Variants in DNAH1 observed in about 807,000 individuals in gnomAD.
The protein encoded by DNAH1 is axonemal beta dynein heavy chain 1.
DNAH1 carries 327 observed loss-of-function variants against 484.3 expected under a neutral mutation model. The observed-to-expected ratio is 0.68, with a 90% CI of 0.62 to 0.74. The LOEUF is 0.74. DNAH1 is among the 30% of genes least tolerant of loss of function. The pLI, the probability that DNAH1 is intolerant of heterozygous loss-of-function variation, is 0.00. For missense variants in DNAH1, 5,052 were observed against 5,546.8 expected (o/e 0.91, Z 2.83); for synonymous variants, 2,192 against 2,191.9 (o/e 1.00, Z 0.00).
At chr3:52,373,130 G>A in intron 44 of DNAH1, 77 bp downstream of exon 44, 1 of 1,465,198 alleles carries the variant, frequency 6.8e-7, no homozygotes, top group Non-Finnish European at 9.0e-7. Context: ...AGCACTGAAG[G>A]CCTACAATAC....
chr3:52,314,542 TA>T (rs1700889122), upstream of DNAH1, among the ~76,000 whole-genome samples: 1 of 152,228 alleles, frequency 6.6e-6, no homozygotes, highest in Non-Finnish European at 1.5e-5. Flanking sequence ...CAGTCATTTC[TA>T]TGGGTCTTTC....
chr3:52,348,915 G>T lies in DNAH1; in HGVS notation c.2134G>T (p.Gly712Cys). ...KLVMEDIFIS[G>C]DPLLESVGLH... ...GGTGATGGAGGACATCTTCATCAGC[G>T]GTGACCCCCTGCTGGAGTCCGTGGG... is the stretch of plus-strand genomic sequence containing the variant. Residue 712 changes from glycine (G) to cysteine (C), a missense_variant, in exon 13 of 78, where the codon GGT (glycine) becomes TGT (cysteine). By Grantham distance (159) the Gly-to-Cys change is radical. Coordinates refer to ENST00000420323, the MANE Select transcript of DNAH1 (RefSeq NM_015512.5). 1.2e-6 allele frequency: 2 copies of T among 1,613,210 alleles called. No homozygotes were observed. The highest frequency in any genetic ancestry group is 1.7e-6 in the Non-Finnish European group (2 of 1,179,878).
chr3:52,388,845 G>C lies in DNAH1; in HGVS notation c.9403G>C (p.Glu3135Gln). ...GLSDEKVRWQ[E>Q]TVENLQYMLN... ...GTCGGATGAGAAGGTGCGCTGGCAGGAGACGGTGGAGAACCTGCAGTACAT... is the reference window on the plus strand; with the variant it reads ...GTCGGATGAGAAGGTGCGCTGGCAGCAGACGGTGGAGAACCTGCAGTACAT... The change falls in exon 59 of 78, where the codon GAG becomes CAG. Residue 3135 changes from glutamate (E) to glutamine (Q), a missense_variant. Physicochemically the swap from Glu to Gln is conservative, Grantham distance 29. Coordinates refer to ENST00000420323, the MANE Select transcript of DNAH1 (RefSeq NM_015512.5). 6.2e-7 allele frequency: 1 copy of C among 1,613,742 alleles called. No homozygotes were observed. The highest frequency in any genetic ancestry group is 8.5e-7 in the Non-Finnish European group (1 of 1,179,868).
chr3:52,366,662 C>A (rs1279333768), intron 35 of DNAH1, 71 bp from the exon 36 acceptor site: 15 of 1,567,730 alleles, frequency 9.6e-6, no homozygotes, highest in Admixed American at 3.5e-5. Flanking sequence ...ACCCCTCCCC[C>A]TCCCCTTGGC....
Position 52,393,307 on chromosome 3 carries a change from C to T in DNAH1, c.10475-27C>T, listed in dbSNP as rs556712003. ...GCTCTTCCTTCCTCTCACCTCTCCG[C>T]GCTGCCATCACTTCTCCACTCCACA... On this transcript the variant is annotated intron_variant, in intron 65 of 77. Transcript: ENST00000420323. 2.5e-5 allele frequency: 40 copies of T among 1,611,786 alleles called. No individual in the cohort carries two copies. The Middle Eastern group carries it at 1.8e-3, about 73-fold the overall frequency.
At chr3:52,374,941 A>G (rs1703518389) in intron 44 of DNAH1, 2 of 505,314 alleles carry the variant, frequency 4.0e-6, no homozygotes, top group Non-Finnish European at 3.4e-6. Context: ...ATGTTTTTAT[A>G]AGATAGGACT....
At position 52,386,662 on chromosome 3, in the gene DNAH1, G is replaced by T; in HGVS notation, c.8812G>T (p.Val2938Leu). 1.4e-5 allele frequency: 22 copies of T among 1,573,362 alleles called. No individual in the cohort carries two copies. Among genetic ancestry groups the T allele is most frequent in the Non-Finnish European group, 1.8e-5 (21 of 1,159,838 alleles). ...CCCCACTTGGTGGCTGGGCCTGCAG[G>T]TACGTGCCATGCAGCGGCCACCCCC... ...RNLNKNDVTEVRAMQRPPPGV... is the reference protein window; with the variant it reads ...RNLNKNDVTELRAMQRPPPGV... Residue 2938 changes from valine to leucine, a missense_variant and splice_region_variant, in exon 56 of 78, where the codon GTA (valine) becomes TTA (leucine). Physicochemically the swap from Val to Leu is conservative, Grantham distance 32. Around this residue, in one of 4 missense-constraint regions of DNAH1, gnomAD observed 2,929 missense variants for 3,409.4 expected, o/e 0.86. Coordinates refer to ENST00000420323, the MANE Select transcript of DNAH1 (RefSeq NM_015512.5).
Position 52,362,436 on chromosome 3 carries a change from T to G in DNAH1, c.5029T>G (p.Cys1677Gly). Residue 1677 changes from cysteine (C) to glycine (G), a missense_variant, in exon 31 of 78, where the codon TGC becomes GGC. Cys to Gly is a radical substitution (Grantham distance 159). Coordinates refer to ENST00000420323, the MANE Select transcript of DNAH1 (RefSeq NM_015512.5). This position sits in a 1 kb window ranked among gnomAD's most constrained non-coding sequence, Gnocchi z 5.1. ...TGTGGAGATCCCACTGGTGCCATCC[T>G]GCGCAGTGTTTATCACCATGAACCC... ...EGVEIPLVPS[C>G]AVFITMNPGY... 6.2e-7 allele frequency: 1 copy of G among 1,614,044 alleles called. No homozygotes were observed. Among genetic ancestry groups the G allele is most frequent in the Non-Finnish European group, 8.5e-7 (1 of 1,179,932 alleles).
chr3:52,379,890 C>G lies in DNAH1; in HGVS notation c.7378-15C>G, dbSNP rs141285942. On this transcript the variant is annotated splice_polypyrimidine_tract_variant and intron_variant, in intron 47 of 77. Coordinates refer to ENST00000420323, the MANE Select transcript of DNAH1 (RefSeq NM_015512.5). The surrounding 1 kb of genome is among the most constrained non-coding windows in gnomAD (Gnocchi z 4.4). The stretch of plus-strand genomic sequence containing the variant: ...TGGGGGCCAAGGACAGGCACCGATG[C>G]TGGGGCTACTGCAGGACCAAGTGCA... 5.2e-6 allele frequency: 8 copies of G among 1,549,920 alleles called. No homozygotes were observed. In the Admixed American group the frequency reaches 9.8e-5, roughly 19 times the overall value.
chr3:52,396,878 A>G lies in DNAH1; in HGVS notation c.11621A>G (p.Tyr3874Cys), dbSNP rs1378652389. The change falls in exon 73 of 78, where the codon TAC (tyrosine) becomes TGC (cysteine). Residue 3874 changes from tyrosine (Y) to cysteine (C), a missense_variant. By Grantham distance (194) the Tyr-to-Cys change is radical. This residue lies in a region of DNAH1 where 853 missense variants were observed against 899.0 expected (regional missense o/e 0.95). Coordinates refer to ENST00000420323, the MANE Select transcript of DNAH1 (RefSeq NM_015512.5). Reference sequence around the variant, plus strand: ...CCACCCACCCCATAGGTCCTCAAGTACACGGCAGGGGAGATCAATTACGGG... The same window carrying G: ...CCACCCACCCCATAGGTCCTCAAGTGCACGGCAGGGGAGATCAATTACGGG... ...YDDIPYKVLK[Y>C]TAGEINYGGR... 1 of 1,606,120 alleles carries G rather than the reference A, an allele frequency of 6.2e-7. No individual in the cohort carries two copies. The highest frequency in any genetic ancestry group is 8.5e-7 in the Non-Finnish European group (1 of 1,174,248).
chr3:52,385,337 C>G lies in DNAH1; in HGVS notation c.8515C>G (p.Leu2839Val), dbSNP rs781168960. Residue 2839 changes from leucine (L) to valine (V), a missense_variant and splice_region_variant, in exon 54 of 78, where the codon CTG (leucine) becomes GTG (valine). This residue lies in a region of DNAH1 where 2,929 missense variants were observed against 3,409.4 expected (regional missense o/e 0.86). Transcript: ENST00000420323. ...KNRMKSGLDKLLRTSEDVAKM... is the reference protein window; with the variant it reads ...KNRMKSGLDKVLRTSEDVAKM... Reference sequence around the variant, plus strand: ...TTCCTGTCTCTGCCCTGACCCCTAGCTGCTGCGCACTTCTGAGGATGTAGC... The same window carrying G: ...TTCCTGTCTCTGCCCTGACCCCTAGGTGCTGCGCACTTCTGAGGATGTAGC... The G allele has an allele frequency of 2.6e-6, 4 of 1,552,056 alleles. No individual in the cohort carries two copies. The South Asian group carries it at 3.6e-5, about 14-fold the overall frequency.
chr3:52,312,738 C>T (rs1049877571), upstream of DNAH1, among the ~76,000 whole-genome samples: 3 of 151,966 alleles, frequency 2.0e-5, no homozygotes, highest in Non-Finnish European at 2.9e-5. Context: ...CTGCAAGCTC[C>T]GCCTCCCAGG....
At chr3:52,320,502 G>A (rs1042091945) in intron 1 of DNAH1, among the ~76,000 whole-genome samples, 1 of 152,240 alleles carries the variant, frequency 6.6e-6, no homozygotes, top group Non-Finnish European at 1.5e-5. Context: ...CTTAGAAATG[G>A]ACTCAGCTGC....
chr3:52,312,290 G>A (rs1234743652), upstream of DNAH1, among the ~76,000 whole-genome samples: 1 of 152,096 alleles, frequency 6.6e-6, no homozygotes, highest in Non-Finnish European at 1.5e-5. Context: ...CTGAGGCCAG[G>A]TTGGGAAGAG....
At chr3:52,327,738 A>G in intron 5 of DNAH1, 144 bp from the exon 6 acceptor site, 2 of 878,380 alleles carry the variant, frequency 2.3e-6, no homozygotes, top group Non-Finnish European at 3.5e-6. Context: ...CCCCCAGTGG[A>G]GAGGGTCAGC....
chr3:52,396,312 G>T, intron 70 of DNAH1, 56 bp from the exon 71 acceptor site: 1 of 1,525,572 alleles, frequency 6.6e-7, no homozygotes. Flanking sequence ...GGAGCCTGGT[G>T]TCAGGGTGGC....
rs922763756 is a variant in DNAH1 at position 52,364,617 on chromosome 3, C to A, written c.5245-21C>A. The A allele has an allele frequency of 4.3e-6, 7 of 1,613,284 alleles. No individual in the cohort carries two copies. The Admixed American group carries it at 8.3e-5, about 19-fold the overall frequency. ...TGGAGAGGGACAGTGCTCACCCATGCCTCCTTCTGTATGGCGACAGGATCA... is the reference window on the plus strand; with the variant it reads ...TGGAGAGGGACAGTGCTCACCCATGACTCCTTCTGTATGGCGACAGGATCA... On this transcript the variant is annotated intron_variant, in intron 32 of 77. Coordinates refer to ENST00000420323, the MANE Select transcript of DNAH1 (RefSeq NM_015512.5). The surrounding 1 kb of genome is among the most constrained non-coding windows in gnomAD (Gnocchi z 4.2).
At chr3:52,363,268 TC>T in intron 32 of DNAH1, 124 bp downstream of exon 32, 1 of 1,285,732 alleles carries the variant, frequency 7.8e-7, no homozygotes, top group Non-Finnish European at 1.1e-6. Flanking sequence ...TGTCGGCTTC[TC>T]CCAGCAACCC....
intron 43 of DNAH1, among the ~76,000 whole-genome samples, chr3:52,372,686 C>T (rs1410568792): frequency 6.6e-6 from 1 of 152,264 alleles, no homozygotes; most frequent in African/African-American, 2.4e-5. Context: ...GCGAGACTCA[C>T]TTTGAGGGAG....
Sources: allele counts gnomAD v4.1 joint callset (sites outside exome capture counted in the v4.1 genomes callset), GRCh38; gene constraint gnomAD v4.1.1; regional missense constraint gnomAD v4.1.1; non-coding constraint Gnocchi (gnomAD v3.1); transcripts MANE v1.5; gene names NCBI Gene and HGNC (gene_info 2026-07-23, HGNC 2026-07-21).